SLC39A11: variants seen among roughly 807,000 people sequenced by gnomAD.
SLC39A11 encodes solute carrier family 39 member 11, also known as zinc transporter ZIP11.
A neutral mutation model predicts 36.1 loss-of-function variants in SLC39A11; 33 were observed. The observed-to-expected ratio is 0.91, with a 90% CI of 0.69 to 1.22. The LOEUF is 1.22. Ranked by LOEUF, SLC39A11 falls within the 50% of genes most tolerant of loss-of-function variation. The pLI, the probability that SLC39A11 is intolerant of heterozygous loss-of-function variation, is 0.00. For synonymous variants in SLC39A11, 166 were observed against 170.3 expected (o/e 0.97, Z 0.20); for missense variants, 432 against 430.3 (o/e 1.00, Z -0.03).
At chr17:73,074,532 C>T (rs569358800) in intron 3 of SLC39A11, among the ~76,000 whole-genome samples, 2 of 152,154 alleles carry the variant, frequency 1.3e-5, no homozygotes, top group African/African-American at 2.4e-5. Flanking sequence ...CTCCTGGCCT[C>T]GTGATCCACC....
At chr17:72,729,444 TATA>T (rs2074110825) in intron 7 of SLC39A11, among the ~76,000 whole-genome samples, 6 of 7,304 alleles carry the variant, frequency 8.2e-4, no homozygotes, top group African/African-American at 3.3e-3. Context: ...TATATATATA[TATA>T]TATATATATA....
intron 5 of SLC39A11, among the ~76,000 whole-genome samples, chr17:72,861,751 T>C (rs1426330378): frequency 6.5e-5 from 2 of 30,640 alleles, no homozygotes; most frequent in African/African-American, 5.7e-4. Context: ...TATATATATA[T>C]ATATATATAT....
chr17:72,668,540 G>C (rs1282670919), intron 7 of SLC39A11, among the ~76,000 whole-genome samples: 3 of 152,202 alleles, frequency 2.0e-5, no homozygotes, highest in Non-Finnish European at 4.4e-5. Flanking sequence ...AAACAGCACA[G>C]ACCTCTGAGG....
intron 6 of SLC39A11, among the ~76,000 whole-genome samples, chr17:72,769,654 C>T (rs914381808): frequency 2.0e-5 from 3 of 152,018 alleles, no homozygotes; most frequent in Admixed American, 2.0e-4. Context: ...AAGTGATTCT[C>T]CTGTCTCAGC....
intron 7 of SLC39A11, among the ~76,000 whole-genome samples, chr17:72,709,668 A>G (rs889494455): frequency 6.6e-6 from 1 of 152,160 alleles, no homozygotes; most frequent in Non-Finnish European, 1.5e-5. Flanking sequence ...GAGAGAGAGA[A>G]CTTTCCAGGT....
intron 7 of SLC39A11, among the ~76,000 whole-genome samples, chr17:72,706,984 G>A (rs2072918911): frequency 6.6e-6 from 1 of 152,226 alleles, no homozygotes; most frequent in Non-Finnish European, 1.5e-5. Flanking sequence ...GTAGCCATGG[G>A]TTATGTGTGG....
At chr17:72,702,291 A>C (rs1360464147) in intron 7 of SLC39A11, among the ~76,000 whole-genome samples, 1 of 152,170 alleles carries the variant, frequency 6.6e-6, no homozygotes, top group Non-Finnish European at 1.5e-5. Context: ...TGGCTGGCAC[A>C]TAGTAGGCCT....
intron 6 of SLC39A11, chr17:72,839,748 T>A (rs2033410): frequency 0.92 from 140,103 of 152,240 alleles, 64,623 homozygotes; most frequent in East Asian, 0.99. Flanking sequence ...TATTAAAACA[T>A]CCCCAGTAAG....
chr17:72,943,572 T>G (rs573801976), intron 5 of SLC39A11, among the ~76,000 whole-genome samples: 12 of 152,276 alleles, frequency 7.9e-5, no homozygotes, highest in African/African-American at 2.4e-4. Context: ...GAGTACCCAT[T>G]CACTTTTTCC....
chr17:72,972,651 A>C (rs1373772259), intron 4 of SLC39A11, among the ~76,000 whole-genome samples: 4 of 152,220 alleles, frequency 2.6e-5, no homozygotes, highest in Non-Finnish European at 4.4e-5. Context: ...CACTGTTTCT[A>C]AGTTTGTTCT....
At chr17:72,843,808 C>G (rs938242333) in intron 6 of SLC39A11, among the ~76,000 whole-genome samples, 6 of 152,142 alleles carry the variant, frequency 3.9e-5, no homozygotes, top group Non-Finnish European at 7.3e-5. Flanking sequence ...ACCACAGAAG[C>G]TTAAGAACTA....
chr17:72,846,016 CTCTTTTTTT>C (rs1426413491), intron 6 of SLC39A11, among the ~76,000 whole-genome samples: 6 of 85,314 alleles, frequency 7.0e-5, no homozygotes, highest in African/African-American at 1.5e-4. Flanking sequence ...CTCTCTCTCT[CTCTTTTTTT>C]TTTTTTTTTT....
chr17:73,029,784 G>A (rs984237855), intron 4 of SLC39A11, among the ~76,000 whole-genome samples: 55 of 152,156 alleles, frequency 3.6e-4, no homozygotes, highest in African/African-American at 1.2e-3. Context: ...GTTTCTCCAC[G>A]TTACCCAGGC....
chr17:73,082,247 AATG>A (rs2060567108), intron 3 of SLC39A11, among the ~76,000 whole-genome samples: 1 of 151,802 alleles, frequency 6.6e-6, no homozygotes, highest in African/African-American at 2.4e-5. Flanking sequence ...TGGATTTAAT[AATG>A]ATAACTATTA....
intron 6 of SLC39A11, among the ~76,000 whole-genome samples, chr17:72,801,908 C>T (rs1287888392): frequency 6.6e-6 from 1 of 152,162 alleles, no homozygotes; most frequent in African/African-American, 2.4e-5. Context: ...AACTTTATGA[C>T]ACAGACAAAA....
intron 3 of SLC39A11, among the ~76,000 whole-genome samples, chr17:73,040,387 G>A (rs1390474276): frequency 1.3e-5 from 2 of 152,298 alleles, no homozygotes; most frequent in East Asian, 1.9e-4. Context: ...GCCTCCCTCT[G>A]CTGTAAATTA....
chr17:72,886,065 C>A lies in SLC39A11; in HGVS notation c.431-36261G>T, dbSNP rs535135841. ...ATCCCTCATTTGGCTTCCAAGAAAC[C>A]TTTCTCCCCCAGTATTCCTGCATCC... On this transcript the variant is annotated intron_variant, in intron 5 of 9. Transcript: ENST00000255559. Among the ~76,000 whole-genome samples, 5 of 152,280 alleles carry A rather than the reference C, an allele frequency of 3.3e-5. No homozygotes were observed. In the South Asian group the frequency reaches 1.0e-3, roughly 32 times the overall value.
rs190984622 is a variant in SLC39A11, at chr17:72,993,981, C to T, written c.306+37575G>A. Among the ~76,000 whole-genome samples the T allele has an allele frequency of 2.4e-3, 360 of 152,250 alleles. 1 individual carries two copies. The highest frequency in any genetic ancestry group is 7.7e-3 in the African/African-American group (320 of 41,538). On this transcript the variant is annotated intron_variant, in intron 4 of 9. Transcript: ENST00000255559. ...ATCATGGGGGCGGGTGTTTCCCGTG[C>T]TATTCTCATGATAGCACCTATTCTT...
intron 6 of SLC39A11, among the ~76,000 whole-genome samples, chr17:72,740,439 C>T (rs938284494): frequency 2.6e-5 from 4 of 152,074 alleles, no homozygotes; most frequent in Non-Finnish European, 5.9e-5. Context: ...TTATCAAGAC[C>T]GTACGTTTAT....
Sources: allele counts gnomAD v4.1 joint callset (sites outside exome capture counted in the v4.1 genomes callset), GRCh38; gene constraint gnomAD v4.1.1; transcripts MANE v1.5; gene names NCBI Gene and HGNC (gene_info 2026-07-23, HGNC 2026-07-21).